Variants in STK33 observed in about 807,000 individuals in gnomAD.
STK33 encodes serine/threonine-protein kinase 33.
STK33 carries 52 observed loss-of-function variants against 58.0 expected under a neutral mutation model. The ratio of observed to expected loss-of-function variants is 0.90; its 90% CI spans 0.72 to 1.13. The LOEUF (loss-of-function observed/expected upper bound fraction) is 1.13. STK33 is among the 50% of genes most tolerant of loss of function. The pLI, the probability that STK33 is intolerant of heterozygous loss-of-function variation, is 0.00. For synonymous variants in STK33, 215 were observed against 200.1 expected (o/e 1.07, Z -0.63); for missense variants, 630 against 604.2 (o/e 1.04, Z -0.45).
intron 15 of STK33, among the ~76,000 whole-genome samples, chr11:8,397,406 C>A (rs1177730683): frequency 1.3e-5 from 2 of 152,222 alleles, no homozygotes; most frequent in Non-Finnish European, 2.9e-5. Flanking sequence ...AGGGTCCTGA[C>A]TGTTAGAATA....
At chr11:8,506,516 G>A (rs759657306) in intron 1 of STK33, among the ~76,000 whole-genome samples, 7 of 152,146 alleles carry the variant, frequency 4.6e-5, no homozygotes, top group Non-Finnish European at 5.9e-5. Flanking sequence ...GGAGGCTTTA[G>A]GAGAGAATCT....
At chr11:8,519,321 C>G (rs1409275377) in intron 1 of STK33, among the ~76,000 whole-genome samples, 2 of 152,204 alleles carry the variant, frequency 1.3e-5, no homozygotes, top group Non-Finnish European at 2.9e-5. Context: ...ACACCAGAAT[C>G]TCTGGGACAC....
chr11:8,479,522 C>A (rs1163205057), intron 2 of STK33, among the ~76,000 whole-genome samples: 1 of 151,712 alleles, frequency 6.6e-6, no homozygotes, highest in Non-Finnish European at 1.5e-5. Flanking sequence ...CTGTTGATAT[C>A]AGTCTTTTCT....
intron 14 of STK33, among the ~76,000 whole-genome samples, chr11:8,421,824 GCTA>G (rs1426671311): frequency 4.6e-5 from 7 of 151,762 alleles, no homozygotes; most frequent in African/African-American, 1.5e-4. Flanking sequence ...TATATTCTTT[GCTA>G]CTATTTTACA....
At chr11:8,413,081 G>A (rs755032070) in intron 15 of STK33, among the ~76,000 whole-genome samples, 6 of 152,038 alleles carry the variant, frequency 3.9e-5, no homozygotes, top group Admixed American at 6.6e-5. Context: ...TATTAATTTT[G>A]ATTCTTGGGC....
intron 1 of STK33, among the ~76,000 whole-genome samples, chr11:8,549,741 G>C (rs146342795): frequency 6.6e-6 from 1 of 151,912 alleles, no homozygotes; most frequent in Admixed American, 6.6e-5. Flanking sequence ...TATTCATTTC[G>C]TCTAAGTTTT....
chr11:8,389,744 G>A (rs1848591847), downstream of STK33, among the ~76,000 whole-genome samples: 1 of 152,180 alleles, frequency 6.6e-6, no homozygotes, highest in Admixed American at 6.5e-5. Flanking sequence ...GCATTTCAGT[G>A]ATAAGCACAA....
intron 1 of STK33, among the ~76,000 whole-genome samples, chr11:8,507,826 T>C (rs7116240): frequency 0.062 from 9,368 of 152,270 alleles, 575 homozygotes; most frequent in African/African-American, 0.16. Flanking sequence ...TGAGTATTTC[T>C]CAAAAGCTTT....
the STK33 span, among the ~76,000 whole-genome samples, chr11:8,375,857 A>T: frequency 6.6e-6 from 1 of 152,218 alleles, no homozygotes; most frequent in African/African-American, 2.4e-5. Context: ...CTGTGAGTCA[A>T]TTAAGCCTCT....
intron 15 of STK33, among the ~76,000 whole-genome samples, chr11:8,403,590 A>G (rs972848161): frequency 6.6e-6 from 1 of 152,188 alleles, no homozygotes; most frequent in Non-Finnish European, 1.5e-5. Flanking sequence ...TCTCTGGCAA[A>G]TTCTTACCAT....
chr11:8,498,198 A>G (rs1322250858), intron 1 of STK33, among the ~76,000 whole-genome samples: 1 of 152,198 alleles, frequency 6.6e-6, no homozygotes, highest in East Asian at 1.9e-4. Context: ...TGTAATTTTA[A>G]AAGAAAAAAG....
chr11:8,338,209 A>G, the STK33 span, among the ~76,000 whole-genome samples: 1 of 152,220 alleles, frequency 6.6e-6, no homozygotes, highest in African/African-American at 2.4e-5. Context: ...AGGCCAGCAT[A>G]CCGGCTTCTG....
chr11:8,527,489 T>TA (rs370341815), intron 1 of STK33, among the ~76,000 whole-genome samples: 1 of 152,084 alleles, frequency 6.6e-6, no homozygotes, highest in African/African-American at 2.4e-5. Flanking sequence ...TTTTTTTTTT[T>TA]AACAGTATCC....
At chr11:8,380,213 C>T in the STK33 span, among the ~76,000 whole-genome samples, 1 of 152,086 alleles carries the variant, frequency 6.6e-6, no homozygotes, top group Non-Finnish European at 1.5e-5. Flanking sequence ...ACACTGTTTT[C>T]CACAATGGTT....
At chr11:8,502,594 C>T (rs1451984584) in intron 1 of STK33, among the ~76,000 whole-genome samples, 3 of 151,982 alleles carry the variant, frequency 2.0e-5, no homozygotes, top group African/African-American at 7.2e-5. Context: ...GATAAAGATG[C>T]CAAAAGCAAC....
chr11:8,485,435 T>C (rs1455907567), intron 1 of STK33, among the ~76,000 whole-genome samples: 5 of 152,152 alleles, frequency 3.3e-5, no homozygotes, highest in Non-Finnish European at 7.4e-5. Flanking sequence ...AGTGACCAAG[T>C]CAAACTGAAC....
intron 1 of STK33, among the ~76,000 whole-genome samples, chr11:8,591,883 G>A (rs2032667453): frequency 1.3e-5 from 2 of 151,840 alleles, no homozygotes; most frequent in African/African-American, 4.8e-5. Context: ...TATACCTAAT[G>A]CTAAATGACG....
intron 14 of STK33, among the ~76,000 whole-genome samples, chr11:8,426,448 G>GA (rs1942773979): frequency 6.6e-6 from 1 of 152,188 alleles, no homozygotes; most frequent in African/African-American, 2.4e-5. Context: ...ATTTAGGCAG[G>GA]AAAACAGAAA....
chr11:8,463,831 T>C (rs1947854396), intron 7 of STK33, among the ~76,000 whole-genome samples: 2 of 152,126 alleles, frequency 1.3e-5, no homozygotes, highest in African/African-American at 4.8e-5. Flanking sequence ...CCCCTAACCC[T>C]AGCTAACACC....
Sources: gnomAD v4.1 joint callset for allele counts (sites outside exome capture counted in the v4.1 genomes callset) on GRCh38, gnomAD v4.1.1 for gene constraint, MANE v1.5 for transcripts, NCBI Gene and HGNC (gene_info 2026-07-23, HGNC 2026-07-21) for gene names.